Variants in LSAMP observed in about 807,000 individuals in gnomAD.
LSAMP encodes limbic system-associated membrane protein.
In LSAMP, 7 loss-of-function variants were observed where a neutral mutation model predicts 38.6. The ratio of observed to expected loss-of-function variants is 0.18; its 90% CI spans 0.10 to 0.34. LSAMP has a LOEUF of 0.34. Among genes scored for constraint, LSAMP ranks in the 10% least tolerant of loss-of-function variants. The probability of loss-of-function intolerance (pLI) is 1.00; values close to 1 mark genes in which losing one functional copy is unlikely to be tolerated. For missense variants in LSAMP, 313 were observed against 420.0 expected, an observed-to-expected ratio of 0.75 and a Z score of 2.23; for synonymous variants, 154 against 166.8, an observed-to-expected ratio of 0.92 and a Z score of 0.59.
intron 1 of LSAMP, among the ~76,000 whole-genome samples, chr3:116,277,498 T>C (rs2047071732): frequency 6.6e-6 from 1 of 151,674 alleles, no homozygotes; most frequent in African/African-American, 2.4e-5. Flanking sequence ...GCCTCCCGAG[T>C]GGCTGGGACC....
rs574609805 is a variant in LSAMP, at chr3:116,062,616, G to GAA, written c.388+23707_388+23708insTT. Among the ~76,000 whole-genome samples, 808 of 152,216 alleles carry GAA rather than the reference G, an allele frequency of 5.3e-3. 6 individuals are homozygous for GAA. Among genetic ancestry groups the GAA allele is most frequent in the African/African-American group, 0.018 (730 of 41,536 alleles). On this transcript the variant is annotated intron_variant, in intron 2 of 6. Coordinates refer to ENST00000490035, the MANE Select transcript of LSAMP (RefSeq NM_002338.5). Reference sequence around the variant, plus strand: ...CCTTTCTTTTCCTTCTTCAGACATAGACGGGATCTGTGCCAGTTATGTAAC... The same window carrying GAA: ...CCTTTCTTTTCCTTCTTCAGACATAGAAACGGGATCTGTGCCAGTTATGTAAC...
At position 116,055,473 on chromosome 3, in the gene LSAMP, A is replaced by T. The variant is rs561089828; in HGVS notation, c.388+30851T>A. Reference sequence around the variant, plus strand: ...GGATTTGAGGAGTCTATTTAGAATGACGTAGGTAAGTTTTCTCTAGAAGTA... The same window carrying T: ...GGATTTGAGGAGTCTATTTAGAATGTCGTAGGTAAGTTTTCTCTAGAAGTA... On this transcript the variant is annotated intron_variant, in intron 2 of 6. Transcript: ENST00000490035. Among the ~76,000 whole-genome samples, 111 of 152,286 alleles carry T rather than the reference A, an allele frequency of 7.3e-4. 1 individual carries two copies. The highest frequency in any genetic ancestry group is 2.6e-3 in the African/African-American group (109 of 41,556).
intron 1 of LSAMP, among the ~76,000 whole-genome samples, chr3:116,159,734 A>G (rs1272351396): frequency 6.6e-6 from 1 of 152,130 alleles, no homozygotes; most frequent in African/African-American, 2.4e-5. Context: ...GGATATACAC[A>G]TAAAGGAATG....
At chr3:115,898,394 C>A in intron 3 of LSAMP, among the ~76,000 whole-genome samples, 1 of 152,014 alleles carries the variant, frequency 6.6e-6, no homozygotes. Context: ...CCATAAGGTG[C>A]ACTTTGGGAA....
At chr3:116,099,480 C>T (rs189357198) in intron 1 of LSAMP, among the ~76,000 whole-genome samples, 39 of 152,256 alleles carry the variant, frequency 2.6e-4, no homozygotes, top group African/African-American at 8.7e-4. Flanking sequence ...GACACAGCAC[C>T]AGAAATTTTG....
In LSAMP at chr3:116,053,691, C is replaced by A. The variant is rs114954460; in HGVS notation, c.388+32633G>T. Among the ~76,000 whole-genome samples the A allele has an allele frequency of 3.3e-3, 504 of 152,150 alleles. 5 individuals are homozygous for A. Among genetic ancestry groups the A allele is most frequent in the African/African-American group, 0.012 (485 of 41,518 alleles). ...ATGAAAAATGTAAGTAAATGAGAGA[C>A]AGAATGTAAGGAAGTTCGTGGGAAA... On this transcript the variant is annotated intron_variant, in intron 2 of 6. Transcript: ENST00000490035.
At position 115,933,121 on chromosome 3, in the gene LSAMP, G is replaced by A. The variant is rs186542645; in HGVS notation, c.515-80504C>T. 5.3e-5 allele frequency among the ~76,000 whole-genome samples: 8 copies of A among 152,318 alleles called. No individual in the cohort carries two copies. The East Asian group carries it at 9.7e-4, about 18-fold the overall frequency. On this transcript the variant is annotated intron_variant, in intron 3 of 6. Coordinates refer to ENST00000490035, the MANE Select transcript of LSAMP (RefSeq NM_002338.5). ...CTCGCGAAAGGGAGTGGTTTCACTC[G>A]ACAAGTATGGAGAGACCCTGTTGTG...
chr3:116,097,075 A>C (rs1014269972), intron 1 of LSAMP, among the ~76,000 whole-genome samples: 1 of 152,174 alleles, frequency 6.6e-6, no homozygotes, highest in Non-Finnish European at 1.5e-5. Flanking sequence ...GAAACAGTAA[A>C]ATTAGTCTTG....
chr3:115,925,179 G>A (rs1937471362), intron 3 of LSAMP, among the ~76,000 whole-genome samples: 1 of 152,122 alleles, frequency 6.6e-6, no homozygotes, highest in Non-Finnish European at 1.5e-5. Context: ...TTTGGAGAGT[G>A]TAGAGGGAGC....
chr3:116,412,400 A>G (rs1485563340), intron 1 of LSAMP, among the ~76,000 whole-genome samples: 2 of 152,066 alleles, frequency 1.3e-5, no homozygotes, highest in African/African-American at 4.8e-5. Flanking sequence ...AAGGCATTAT[A>G]AAAACATGCT....
chr3:116,243,673 A>G (rs1187451355), intron 1 of LSAMP, among the ~76,000 whole-genome samples: 1 of 152,190 alleles, frequency 6.6e-6, no homozygotes, highest in African/African-American at 2.4e-5. Context: ...CAATTTGAAG[A>G]GAATCAGGGC....
chr3:115,925,748 TTGAG>T (rs1278214711), intron 3 of LSAMP, among the ~76,000 whole-genome samples: 1 of 152,178 alleles, frequency 6.6e-6, no homozygotes, highest in African/African-American at 2.4e-5. Flanking sequence ...ATGCCACTGA[TTGAG>T]TGTTCCAGTT....
intron 2 of LSAMP, among the ~76,000 whole-genome samples, chr3:116,021,123 T>C (rs2107689617): frequency 6.6e-6 from 1 of 152,256 alleles, no homozygotes; most frequent in East Asian, 1.9e-4. Context: ...GGTAGGGGAC[T>C]GGTCATTACC....
At chr3:116,209,060 G>C (rs183771653) in intron 1 of LSAMP, among the ~76,000 whole-genome samples, 21 of 152,310 alleles carry the variant, frequency 1.4e-4, no homozygotes, top group African/African-American at 4.3e-4. Context: ...AGACTCCTTG[G>C]GGGTAGGACC....
chr3:116,328,712 C>T (rs566455404), intron 1 of LSAMP, among the ~76,000 whole-genome samples: 42 of 151,956 alleles, frequency 2.8e-4, no homozygotes, highest in African/African-American at 9.9e-4. Flanking sequence ...CACTGACATA[C>T]CAAAGTAAAA....
intron 2 of LSAMP, among the ~76,000 whole-genome samples, chr3:116,046,542 G>A (rs1941292317): frequency 6.6e-6 from 1 of 152,222 alleles, no homozygotes; most frequent in African/African-American, 2.4e-5. Flanking sequence ...TAGGTAGGGA[G>A]GCACTGATTA....
At chr3:116,147,773 A>G (rs796938881) in intron 1 of LSAMP, among the ~76,000 whole-genome samples, 1 of 151,922 alleles carries the variant, frequency 6.6e-6, no homozygotes, top group Non-Finnish European at 1.5e-5. Context: ...CCTGGCCAAC[A>G]GCAATTGACC....
intron 1 of LSAMP, among the ~76,000 whole-genome samples, chr3:116,277,515 G>T (rs143455553): frequency 6.6e-6 from 1 of 151,884 alleles, no homozygotes; most frequent in Admixed American, 6.6e-5. Context: ...GACCACAGGC[G>T]CCCACCACCA....
intron 1 of LSAMP, among the ~76,000 whole-genome samples, chr3:116,290,308 G>C: frequency 6.6e-6 from 1 of 152,022 alleles, no homozygotes; most frequent in East Asian, 1.9e-4. Flanking sequence ...CATTGACACA[G>C]GGAAAATATT....
Sources: allele counts gnomAD v4.1 joint callset (sites outside exome capture counted in the v4.1 genomes callset), GRCh38; gene constraint gnomAD v4.1.1; transcripts MANE v1.5; gene names NCBI Gene and HGNC (gene_info 2026-07-23, HGNC 2026-07-21).